Variants in CLINT1 observed in about 807,000 individuals in gnomAD.
CLINT1 encodes the protein clathrin interacting protein localized in the trans-Golgi region.
CLINT1 carries 15 observed loss-of-function variants against 70.4 expected under a neutral mutation model. The ratio of observed to expected loss-of-function variants is 0.21; its 90% CI spans 0.14 to 0.33. CLINT1 has a LOEUF of 0.33. Ranked by LOEUF, CLINT1 falls within the 10% of genes least tolerant of loss-of-function variation. CLINT1 has a pLI of 1.00. For synonymous variants in CLINT1, 227 were observed against 254.7 expected (o/e 0.89, Z 1.04); for missense variants, 615 against 778.1 (o/e 0.79, Z 2.49).
intron 6 of CLINT1, 84 bp downstream of exon 6, chr5:157,809,544 A>T: frequency 8.0e-7 from 1 of 1,247,240 alleles, no homozygotes; most frequent in East Asian, 2.5e-5. Flanking sequence ...AATACCCCAA[A>T]CAAAACCAAC....
chr5:157,798,565 G>A (rs1038957691), intron 8 of CLINT1, among the ~76,000 whole-genome samples: 2 of 151,982 alleles, frequency 1.3e-5, no homozygotes, highest in Non-Finnish European at 2.9e-5. Context: ...CAACATTAAA[G>A]CAATGGCAAA....
At chr5:157,813,805 A>G (rs575547755) in intron 4 of CLINT1, among the ~76,000 whole-genome samples, 1 of 152,316 alleles carries the variant, frequency 6.6e-6, no homozygotes, top group East Asian at 1.9e-4. Context: ...CTGCCTTTGC[A>G]CAGTAAATAT....
At chr5:157,801,095 T>C (rs1319632462) in intron 8 of CLINT1, among the ~76,000 whole-genome samples, 1 of 152,260 alleles carries the variant, frequency 6.6e-6, no homozygotes, top group Non-Finnish European at 1.5e-5. Context: ...ACATAAATTG[T>C]TACACAACTA....
chr5:157,856,063 T>A (rs866417336), intron 1 of CLINT1, among the ~76,000 whole-genome samples: 1 of 152,248 alleles, frequency 6.6e-6, no homozygotes, highest in Non-Finnish European at 1.5e-5. Flanking sequence ...TGGGTATCAA[T>A]ATACACTAAA....
At chr5:157,848,457 T>C (rs1322452375) in intron 1 of CLINT1, among the ~76,000 whole-genome samples, 1 of 151,776 alleles carries the variant, frequency 6.6e-6, no homozygotes, top group African/African-American at 2.4e-5. Flanking sequence ...CAGGCTGGAG[T>C]GGGCAACTTA....
intron 1 of CLINT1, among the ~76,000 whole-genome samples, chr5:157,842,988 G>T (rs1026207050): frequency 3.3e-5 from 5 of 152,070 alleles, no homozygotes; most frequent in African/African-American, 1.2e-4. Flanking sequence ...CTTGCCAGAG[G>T]TATCATATGT....
intron 1 of CLINT1, among the ~76,000 whole-genome samples, chr5:157,847,003 G>A (rs369136647): frequency 6.6e-6 from 1 of 152,162 alleles, no homozygotes; most frequent in Non-Finnish European, 1.5e-5. Context: ...TGATGGAGAC[G>A]TACAAAGAGA....
At chr5:157,820,556 A>C (rs1300775111) in intron 1 of CLINT1, among the ~76,000 whole-genome samples, 1 of 152,242 alleles carries the variant, frequency 6.6e-6, no homozygotes, top group Admixed American at 6.5e-5. Context: ...AACAAATGTA[A>C]ACTAAAAACA....
At chr5:157,832,067 A>G (rs571472717) in intron 1 of CLINT1, among the ~76,000 whole-genome samples, 31 of 151,890 alleles carry the variant, frequency 2.0e-4, no homozygotes, top group African/African-American at 7.0e-4. Context: ...GGCTCGCTGC[A>G]GTCTCCACCT....
At chr5:157,829,540 G>C (rs910217551) in intron 1 of CLINT1, among the ~76,000 whole-genome samples, 12 of 151,354 alleles carry the variant, frequency 7.9e-5, no homozygotes, top group African/African-American at 2.9e-4. Context: ...ACTTTTTTTT[G>C]AGACAGTCTC....
intron 1 of CLINT1, among the ~76,000 whole-genome samples, chr5:157,825,686 T>G (rs1004983172): frequency 6.6e-6 from 1 of 152,158 alleles, no homozygotes; most frequent in Non-Finnish European, 1.5e-5. Context: ...CCTGACATGA[T>G]GTAAGACCAT....
intron 1 of CLINT1, among the ~76,000 whole-genome samples, chr5:157,826,095 C>T (rs920980485): frequency 6.6e-6 from 1 of 151,934 alleles, no homozygotes; most frequent in African/African-American, 2.4e-5. Context: ...GCAAGTGAAA[C>T]ACCAAACAAT....
At chr5:157,851,339 T>C (rs1296271775) in intron 1 of CLINT1, among the ~76,000 whole-genome samples, 2 of 152,114 alleles carry the variant, frequency 1.3e-5, no homozygotes, top group African/African-American at 4.8e-5. Flanking sequence ...ATTAAAGTTA[T>C]CTAGAACTTA....
chr5:157,787,575 A>AT lies in CLINT1; in HGVS notation c.*70dup. ...ATAAAAGAAAGGGTAGTTGATTAGC[A>AT]TTTTCCATCCCAACATCACCTATCT... On this transcript the variant is annotated 3_prime_UTR_variant, in exon 12 of 12. Coordinates refer to ENST00000411809, the MANE Select transcript of CLINT1 (RefSeq NM_014666.4). The AT allele has an allele frequency of 8.1e-7, 1 of 1,237,322 alleles. No homozygotes were observed. Among genetic ancestry groups the AT allele is most frequent in the East Asian group, 2.3e-5 (1 of 42,900 alleles). The allele number at this position is 1,237,322 out of a possible 1,614,324, so 76.6% of individuals were successfully genotyped here.
chr5:157,858,177 C>T (rs1529698), intron 1 of CLINT1, among the ~76,000 whole-genome samples: 1 of 152,122 alleles, frequency 6.6e-6, no homozygotes, highest in Non-Finnish European at 1.5e-5. Context: ...AGGATATAAA[C>T]CTGGGTTGTT....
chr5:157,797,342 A>G (rs1032002281), intron 8 of CLINT1, among the ~76,000 whole-genome samples: 2 of 152,312 alleles, frequency 1.3e-5, no homozygotes, highest in African/African-American at 4.8e-5. Context: ...ACATCAATAT[A>G]TAACTTATTA....
intron 1 of CLINT1, among the ~76,000 whole-genome samples, chr5:157,841,097 A>G (rs1753158821): frequency 6.6e-6 from 1 of 151,872 alleles, no homozygotes; most frequent in Non-Finnish European, 1.5e-5. Context: ...CCACGTCTCT[A>G]TAAAAAAATA....
At chr5:157,823,612 C>A (rs1435431558) in intron 1 of CLINT1, 1 of 194,688 alleles carries the variant, frequency 5.1e-6, no homozygotes, top group African/African-American at 2.4e-5. Context: ...TAATTCTTGA[C>A]ATCAAAATCT....
At position 157,809,765 on chromosome 5, in the gene CLINT1, C is replaced by T. The variant is rs1342615542; in HGVS notation, c.558G>A (p.Glu186=). Residue 186 remains glutamate (E), a synonymous_variant, in exon 6 of 12, where the codon GAG becomes GAA. Transcript: ENST00000411809. ...AAGCACTCTTGTTTTTATCCCACTC[C>T]TCATCCCATTTTGATTTGGGCTCAG... ...YDPEPKSKWD[E]EWDKNKSAFP... 3.7e-6 allele frequency: 6 copies of T among 1,613,054 alleles called. No homozygotes were observed. Among genetic ancestry groups the T allele is most frequent in the Admixed American group, 1.7e-5 (1 of 59,920 alleles).
Sources: gnomAD v4.1 joint callset for allele counts (sites outside exome capture counted in the v4.1 genomes callset) on GRCh38, gnomAD v4.1.1 for gene constraint, MANE v1.5 for transcripts, NCBI Gene and HGNC (gene_info 2026-07-23, HGNC 2026-07-21) for gene names.